The following PDE4A variants were observed in gnomAD, a reference collection of about 807,000 sequenced individuals.
The protein encoded by PDE4A is 3',5'-cyclic-AMP phosphodiesterase 4A.
Under a neutral mutation model 73.9 loss-of-function variants are expected in PDE4A, and 21 were observed. The ratio of observed to expected loss-of-function variants is 0.28; its 90% CI spans 0.20 to 0.41. The LOEUF (loss-of-function observed/expected upper bound fraction) is 0.41, where lower values mean the gene tolerates loss of function less well. Among genes scored for constraint, PDE4A ranks in the 10% least tolerant of loss-of-function variants. The pLI, the probability that PDE4A is intolerant of heterozygous loss-of-function variation, is 1.00. For missense variants in PDE4A, 958 were observed against 1,211.4 expected, an observed-to-expected ratio of 0.79 and a Z score of 3.10; for synonymous variants, 463 against 505.4, an observed-to-expected ratio of 0.92 and a Z score of 1.13.
At chr19:10,462,247 C>CGCCTCCT (rs1568384472) in intron 13 of PDE4A, among the ~76,000 whole-genome samples, 1 of 151,834 alleles carries the variant, frequency 6.6e-6, no homozygotes, top group African/African-American at 2.4e-5. Flanking sequence ...TCCCGCCTCC[C>CGCCTCCT]GGGTTCAAGC....
intron 2 of PDE4A, among the ~76,000 whole-genome samples, chr19:10,447,463 G>A (rs536466079): frequency 1.3e-5 from 2 of 151,284 alleles, no homozygotes; most frequent in African/African-American, 4.9e-5. Flanking sequence ...CTGACCTCAT[G>A]ATCCGCCTAC....
intron 12 of PDE4A, 47 bp downstream of exon 12, chr19:10,461,727 T>G (rs754943271): frequency 1.2e-6 from 2 of 1,604,948 alleles, no homozygotes; most frequent in African/African-American, 1.3e-5. Context: ...AGCCTAGGAG[T>G]CGAGGGCTTT....
Position 10,421,129 on chromosome 19 carries a change from A to G in PDE4A, c.320+45A>G, listed in dbSNP as rs1033297813. 1.2e-4 allele frequency: 161 copies of G among 1,343,242 alleles called. 2 individuals are homozygous for G. The highest frequency in any genetic ancestry group is 1.5e-4 in the Non-Finnish European group (154 of 1,053,384). The allele number at this position is 1,343,242 out of a possible 1,614,324, so 83.2% of individuals were successfully genotyped here. ...ATGCGCGCGGAACGGATGGGCGCGC[A>G]GGGAGGAGGCAACTCGAGCTGCCGG... On this transcript the variant is annotated intron_variant, in intron 1 of 14. Transcript: ENST00000380702.
intron 1 of PDE4A, chr19:10,432,433 C>T (rs1180450891): frequency 9.0e-6 from 13 of 1,452,466 alleles, no homozygotes; most frequent in Non-Finnish European, 1.8e-6. Flanking sequence ...CGCTTGGCTC[C>T]CATGCGCTCC....
intron 1 of PDE4A, among the ~76,000 whole-genome samples, chr19:10,437,971 C>A (rs529151994): frequency 2.6e-5 from 4 of 151,540 alleles, no homozygotes; most frequent in African/African-American, 7.3e-5. Context: ...TCATGCCTTG[C>A]TAATTTTTTT....
At chr19:10,464,454 T>C (rs1348357953) in intron 14 of PDE4A, 1 of 455,272 alleles carries the variant, frequency 2.2e-6, no homozygotes, top group East Asian at 6.9e-5. Context: ...TCTTGCACTG[T>C]TGCCCAGGGT....
Position 10,450,904 on chromosome 19 carries a change from A to C in PDE4A, c.746A>C (p.Gln249Pro). 1 of 1,610,124 alleles carries C rather than the reference A, an allele frequency of 6.2e-7. No individual in the cohort carries two copies. Among genetic ancestry groups the C allele is most frequent in the South Asian group, 1.1e-5 (1 of 90,064 alleles). ...DWCLEQLETM[Q>P]TYRSVSEMAS... The stretch of plus-strand genomic sequence containing the variant: ...TGTCTGGAGCAGCTGGAGACCATGC[A>C]GACCTATCGCTCTGTCAGCGAGATG... Residue 249 changes from glutamine to proline, a missense_variant, in exon 6 of 15, where the codon CAG becomes CCG. Coordinates refer to ENST00000380702, the MANE Select transcript of PDE4A (RefSeq NM_001111307.2).
At chr19:10,438,116 C>CTT (rs767841992) in intron 1 of PDE4A, among the ~76,000 whole-genome samples, 7 of 130,774 alleles carry the variant, frequency 5.4e-5, no homozygotes, top group Admixed American at 2.3e-4. Context: ...GCCTCCAAGA[C>CTT]TTTTTTTTTT....
chr19:10,424,744 TGTC>T lies in PDE4A; in HGVS notation c.320+3664_320+3666del, dbSNP rs1467143978. Among the ~76,000 whole-genome samples, 2 of 152,246 alleles carry T rather than the reference TGTC, an allele frequency of 1.3e-5. No homozygotes were observed. The highest frequency in any genetic ancestry group is 6.5e-5 in the Admixed American group (1 of 15,278). On this transcript the variant is annotated intron_variant, in intron 1 of 14. Transcript: ENST00000380702. The surrounding 1 kb of genome is among the most constrained non-coding windows in gnomAD (Gnocchi z 4.8). ...AGCCCCTGCCACACGCTGCGGGGACTGTCGTCTGGAGGACAGGGAGGAACCTGG... is the reference window on the plus strand; with the variant it reads ...AGCCCCTGCCACACGCTGCGGGGACTGTCTGGAGGACAGGGAGGAACCTGG...
At chr19:10,464,043 C>G in intron 14 of PDE4A, 68 bp downstream of exon 14, 1 of 1,589,790 alleles carries the variant, frequency 6.3e-7, no homozygotes, top group Non-Finnish European at 8.6e-7. Context: ...GCCTGAAGTT[C>G]TGAGGCCCAG....
chr19:10,417,673 C>T (rs1259867690), upstream of PDE4A: 3 of 1,594,734 alleles, frequency 1.9e-6, no homozygotes, highest in Non-Finnish European at 2.5e-6. Flanking sequence ...TCGAGGGAGA[C>T]CCCCGAATCC....
chr19:10,430,984 C>G (rs746020858), intron 1 of PDE4A: 5 of 1,566,182 alleles, frequency 3.2e-6, no homozygotes, highest in Non-Finnish European at 4.3e-6. Flanking sequence ...TCGCCGCCCT[C>G]CTCGCCCGTC....
Position 10,458,182 on chromosome 19 carries a change from T to G in PDE4A, c.1101+80T>G. On this transcript the variant is annotated intron_variant, in intron 8 of 14. Coordinates refer to ENST00000380702, the MANE Select transcript of PDE4A (RefSeq NM_001111307.2). This position sits in a 1 kb window ranked among gnomAD's most constrained non-coding sequence, Gnocchi z 4.6. ...GAGAAGGACTGGGCATTGGGTTATGTCTTAGGCCAGGTTTCCCAGAAGCAG... is the reference window on the plus strand; with the variant it reads ...GAGAAGGACTGGGCATTGGGTTATGGCTTAGGCCAGGTTTCCCAGAAGCAG... 7.3e-7 allele frequency: 1 copy of G among 1,366,354 alleles called. No homozygotes were observed. The highest frequency in any genetic ancestry group is 1.0e-6 in the Non-Finnish European group (1 of 976,638). The allele number at this position is 1,366,354 out of a possible 1,614,324, so 84.6% of individuals were successfully genotyped here.
At chr19:10,417,469 G>T (rs770599269), upstream of PDE4A, 3 of 979,484 alleles carry the variant, frequency 3.1e-6, no homozygotes, top group Non-Finnish European at 3.6e-6. Flanking sequence ...TGGCTGAGAA[G>T]GGGCACTCTC....
At position 10,459,441 on chromosome 19, in the gene PDE4A, C is replaced by G. The variant is rs769665964; in HGVS notation, c.1143C>G (p.Cys381Trp). The G allele has an allele frequency of 3.1e-6, 5 of 1,614,078 alleles. No individual in the cohort carries two copies. Among genetic ancestry groups the G allele is most frequent in the Admixed American group, 1.7e-5 (1 of 59,998 alleles). The change falls in exon 9 of 15, where the codon TGC (cysteine) becomes TGG (tryptophan). Residue 381 changes from cysteine (C) to tryptophan (W), a missense_variant. Transcript: ENST00000380702. ...NLNKWGLNIF[C>W]VSDYAGGRSL... ...ACAAGTGGGGCCTGAACATCTTTTG[C>G]GTGTCGGATTACGCTGGAGGCCGCT... is the stretch of plus-strand genomic sequence containing the variant.
chr19:10,435,561 AACACAC>A (rs35022243), intron 1 of PDE4A, among the ~76,000 whole-genome samples: 15 of 145,444 alleles, frequency 1.0e-4, no homozygotes, highest in Middle Eastern at 3.5e-3. Flanking sequence ...ACCCTGTATC[AACACAC>A]ACACACACAC....
chr19:10,440,555 C>T (rs2145502214), intron 1 of PDE4A, among the ~76,000 whole-genome samples: 1 of 152,248 alleles, frequency 6.6e-6, no homozygotes, highest in South Asian at 2.1e-4. Context: ...TCTCTAGTAG[C>T]TGGGATTACA....
In PDE4A at chr19:10,453,034, G is replaced by A. The variant is rs201991582; in HGVS notation, c.784-1795G>A. On this transcript the variant is annotated intron_variant, in intron 6 of 14. Transcript: ENST00000380702. This position sits in a 1 kb window ranked among gnomAD's most constrained non-coding sequence, Gnocchi z 4.6. ...CCCCCCACCGCCTCCACCCACTGCC[G>A]CGGGGGGGCCCGTTGGGGCCCAGGG... The A allele has an allele frequency of 2.7e-5, 36 of 1,331,864 alleles. No homozygotes were observed. Among genetic ancestry groups the A allele is most frequent in the East Asian group, 1.9e-4 (6 of 32,006 alleles). The allele number at this position is 1,331,864 out of a possible 1,614,324, so 82.5% of individuals were successfully genotyped here.
At position 10,467,718 on chromosome 19, in the gene PDE4A, G is replaced by T. The variant is rs2043404872; in HGVS notation, c.*97G>T. ...CTGCCTCAAAGACTCTTGTCCTCTT[G>T]TCCCTCCTGAGAAAAAAGAAAACGA... On this transcript the variant is annotated 3_prime_UTR_variant, in exon 15 of 15. Transcript: ENST00000380702. 5.5e-6 allele frequency: 5 copies of T among 913,096 alleles called. No individual in the cohort carries two copies. The highest frequency in any genetic ancestry group is 8.0e-6 in the Non-Finnish European group (5 of 622,350). The allele number at this position is 913,096 out of a possible 1,614,324, so 56.6% of individuals were successfully genotyped here.
Sources: allele counts gnomAD v4.1 joint callset (sites outside exome capture counted in the v4.1 genomes callset), GRCh38; gene constraint gnomAD v4.1.1; non-coding constraint Gnocchi (gnomAD v3.1); transcripts MANE v1.5; gene names NCBI Gene and HGNC (gene_info 2026-07-23, HGNC 2026-07-21).